The following INTS7 variants were observed in gnomAD, a reference collection of about 807,000 sequenced individuals.
The protein encoded by INTS7 is integrator complex subunit 7.
In INTS7, 46 loss-of-function variants were observed where a neutral mutation model predicts 109.2. The ratio of observed to expected loss-of-function variants is 0.42; its 90% confidence interval spans 0.33 to 0.54. INTS7 has a LOEUF of 0.54. Among genes scored for constraint, INTS7 ranks in the 20% least tolerant of loss-of-function variants. The probability of loss-of-function intolerance (pLI) is 0.07; values close to 1 mark genes in which losing one functional copy is unlikely to be tolerated. For synonymous variants in INTS7, 412 were observed against 402.9 expected, an observed-to-expected ratio of 1.02 and a Z score of -0.27; for missense variants, 929 against 1,132.4, an observed-to-expected ratio of 0.82 and a Z score of 2.58.
In INTS7 at chr1:211,975,233, T is replaced by A; in HGVS notation, c.1748A>T (p.Tyr583Phe). The A allele has an allele frequency of 6.2e-7, 1 of 1,614,030 alleles. No homozygotes were observed. Among genetic ancestry groups the A allele is most frequent in the South Asian group, 1.1e-5 (1 of 91,076 alleles). Residue 583 changes from tyrosine to phenylalanine, a missense_variant, in exon 13 of 20, where the codon TAT becomes TTT. This residue lies in a region of INTS7 where 787 missense variants were observed against 901.1 expected (regional missense o/e 0.87). Coordinates refer to ENST00000366994, the MANE Select transcript of INTS7 (RefSeq NM_015434.4). The stretch of plus-strand genomic sequence containing the variant: ...AGCAATGCAAGAAAGTGCTGAACTA[T>A]AATTTTCCTCTTGCAACCCAGTGAG... ...QCLTGLQEEN[Y>F]SSALSCIAES...
Position 212,007,391 on chromosome 1 carries a change from GTGC to G in INTS7, c.612_614del (p.Met204_His205delinsIle). The G allele has an allele frequency of 6.2e-7, 1 of 1,613,940 alleles. No homozygotes were observed. The highest frequency in any genetic ancestry group is 8.5e-7 in the Non-Finnish European group (1 of 1,179,864). On this transcript the variant is annotated inframe_deletion, in exon 6 of 20. Transcript: ENST00000366994. ...CACTGGAAGCCAAGATTGCATCATG[GTGC>G]ATGTGCTGTAGAATGGGTATCAATT...
rs142261100 is a variant in INTS7 at position 212,020,638 on chromosome 1, G to A, written c.225-370C>T. On this transcript the variant is annotated intron_variant, in intron 2 of 19. Coordinates refer to ENST00000366994, the MANE Select transcript of INTS7 (RefSeq NM_015434.4). Reference sequence around the variant, plus strand: ...TGTGGTATTGTGTGCATATGAGCACGAGTGCATGGAGAATGGCAGAAAGCA... The same window carrying A: ...TGTGGTATTGTGTGCATATGAGCACAAGTGCATGGAGAATGGCAGAAAGCA... The A allele has an allele frequency of 1.4e-4, 71 of 502,670 alleles. 1 individual carries two copies. The Admixed American group carries it at 1.4e-3, about 10-fold the overall frequency. 31.1% of individuals were successfully genotyped at this position (502,670 alleles called of 1,614,324 possible). A position where few individuals can be genotyped will look rare whatever the true frequency, so the allele number is the denominator to read the frequency against.
chr1:211,942,094 C>A lies in INTS7; in HGVS notation c.2619G>T (p.Met873Ile), dbSNP rs761908967. Reference protein sequence around the residue: ...GQDYKIPIDNMTNEMEQRVEP... With the variant: ...GQDYKIPIDNITNEMEQRVEP... ...CAACCCTTTGCTCCATCTCATTGGT[C>A]ATGTTGTCAATGGGTATCTGCAATG... Residue 873 changes from methionine (M) to isoleucine (I), a missense_variant, in exon 20 of 20, where the codon ATG becomes ATT. This residue lies in a region of INTS7 where 787 missense variants were observed against 901.1 expected (regional missense o/e 0.87). Transcript: ENST00000366994. This position sits in a 1 kb window ranked among gnomAD's most constrained non-coding sequence, Gnocchi z 4.2. The A allele has an allele frequency of 1.9e-6, 3 of 1,613,734 alleles. No homozygotes were observed. The highest frequency in any genetic ancestry group is 4.5e-5 in the East Asian group (2 of 44,890).
chr1:211,981,058 A>T, intron 10 of INTS7, 35 bp downstream of exon 10: 1 of 1,291,580 alleles, frequency 7.7e-7, no homozygotes, highest in Non-Finnish European at 1.1e-6. Context: ...ACCATCATAT[A>T]TATCTATTAC....
chr1:212,028,237 C>T (rs1007153946), intron 1 of INTS7, among the ~76,000 whole-genome samples: 7 of 152,210 alleles, frequency 4.6e-5, no homozygotes, highest in Non-Finnish European at 1.0e-4. Context: ...ATTTGGTCCT[C>T]AGAATGCTTT....
At chr1:212,007,073 C>G (rs1281192380) in intron 6 of INTS7, among the ~76,000 whole-genome samples, 177 bp downstream of exon 6, 2 of 151,818 alleles carry the variant, frequency 1.3e-5, no homozygotes, top group Admixed American at 1.3e-4. Context: ...GGGCTCCCAA[C>G]AATCAGTACT....
rs1193951760 is a variant in INTS7, at chr1:212,006,670, G to A, written c.848C>T (p.Thr283Ile). Residue 283 changes from threonine to isoleucine, a missense_variant, in exon 7 of 20, where the codon ACA becomes ATA. By Grantham distance (89) the Thr-to-Ile change is moderately conservative. Transcript: ENST00000366994. ...ATTCTCCCTACTCCAAGTATGTGGT[G>A]TTTTATTAGCAAGTAATTTCAGATC... ...IQDLKLLANK[T>I]PHTWSRENIQ... is the part of the protein sequence containing the mutation. 1 of 1,582,548 alleles carries A rather than the reference G, an allele frequency of 6.3e-7. No homozygotes were observed. Among genetic ancestry groups the A allele is most frequent in the Admixed American group, 1.7e-5 (1 of 59,468 alleles).
At chr1:211,954,219 T>C (rs1365455637) in intron 16 of INTS7, among the ~76,000 whole-genome samples, 1 of 152,242 alleles carries the variant, frequency 6.6e-6, no homozygotes, top group Non-Finnish European at 1.5e-5. Flanking sequence ...TGTCTGTTCA[T>C]GTCCTTCGCT....
intron 13 of INTS7, among the ~76,000 whole-genome samples, chr1:211,974,270 AAAAAAAATATATATAT>A (rs1358755641): frequency 2.0e-4 from 20 of 101,900 alleles, no homozygotes; most frequent in African/African-American, 5.5e-4. Context: ...CTTCCCAGAA[AAAAAAAATATATATAT>A]ATATATATAT....
Position 211,987,978 on chromosome 1 carries a change from G to T in INTS7, c.905C>A (p.Thr302Asn). The change falls in exon 8 of 20, where the codon ACT becomes AAT. Residue 302 changes from threonine to asparagine, a missense_variant. Coordinates refer to ENST00000366994, the MANE Select transcript of INTS7 (RefSeq NM_015434.4). ...IQALCECALQ[T>N]PYDSLKLGML... Reference sequence around the variant, plus strand: ...CCCTAGTTTTAAGCTGTCATAAGGAGTCTGGAGGGCACACTCACAAAGTGC... The same window carrying T: ...CCCTAGTTTTAAGCTGTCATAAGGATTCTGGAGGGCACACTCACAAAGTGC... 1 of 1,607,890 alleles carries T rather than the reference G, an allele frequency of 6.2e-7. No individual in the cohort carries two copies. The highest frequency in any genetic ancestry group is 8.5e-7 in the Non-Finnish European group (1 of 1,175,062).
chr1:212,007,114 A>G lies in INTS7; in HGVS notation c.756+136T>C, dbSNP rs371502101. On this transcript the variant is annotated intron_variant, in intron 6 of 19. Coordinates refer to ENST00000366994, the MANE Select transcript of INTS7 (RefSeq NM_015434.4). ...CAGAGAGAATAAAAAAGCAAGCAAA[A>G]GCAAATTAATCTGACCTTTATTAGA... The G allele has an allele frequency of 7.6e-4, 517 of 682,022 alleles. 10 individuals carry two copies. In the South Asian group the frequency reaches 9.3e-3, roughly 12 times the overall value. The allele number at this position is 682,022 out of a possible 1,614,324, so 42.2% of individuals were successfully genotyped here.
intron 12 of INTS7, among the ~76,000 whole-genome samples, chr1:211,976,380 T>C (rs889872579): frequency 6.6e-6 from 1 of 152,200 alleles, no homozygotes; most frequent in African/African-American, 2.4e-5. Flanking sequence ...ACTTCCTCAT[T>C]ACTAATGCCA....
rs573353697 is a variant in INTS7, at chr1:211,981,112, C to T, written c.1211G>A (p.Gly404Asp). The change falls in exon 10 of 20, where the codon GGT becomes GAT. Residue 404 changes from glycine (G) to aspartate (D), a missense_variant. Gly to Asp is a moderately conservative substitution (Grantham distance 94, BLOSUM62 -1). This residue lies in a region of INTS7 where 787 missense variants were observed against 901.1 expected (regional missense o/e 0.87). Coordinates refer to ENST00000366994, the MANE Select transcript of INTS7 (RefSeq NM_015434.4). ...TTTCACCTTTAAAGTGGCCTGAGCA[C>T]CTGGACTATCATCTTGACTACAAAG... ...LVLCSQDDSPGAQATLKIALN... is the reference protein window; with the variant it reads ...LVLCSQDDSPDAQATLKIALN... 6.2e-6 allele frequency: 10 copies of T among 1,611,876 alleles called. No homozygotes were observed. In the East Asian group the frequency reaches 2.0e-4, roughly 32 times the overall value.
chr1:212,022,887 T>C (rs1215095848), intron 1 of INTS7, among the ~76,000 whole-genome samples: 1 of 152,170 alleles, frequency 6.6e-6, no homozygotes, highest in East Asian at 1.9e-4. Flanking sequence ...TTTTCAACTC[T>C]TCCCCTCTCC....
chr1:211,975,596 A>G (rs1196438487), intron 12 of INTS7, among the ~76,000 whole-genome samples: 2 of 152,214 alleles, frequency 1.3e-5, no homozygotes, highest in Non-Finnish European at 2.9e-5. Flanking sequence ...ATTCTTTACT[A>G]AAACAGTTCC....
At chr1:211,994,090 A>G (rs1345706346) in intron 7 of INTS7, among the ~76,000 whole-genome samples, 2 of 152,206 alleles carry the variant, frequency 1.3e-5, no homozygotes, top group Non-Finnish European at 2.9e-5. Flanking sequence ...AGAAAGTAAC[A>G]AAAGAAGGAA....
At chr1:211,963,923 A>C (rs1235424083) in intron 16 of INTS7, among the ~76,000 whole-genome samples, 3 of 152,204 alleles carry the variant, frequency 2.0e-5, no homozygotes, top group Non-Finnish European at 2.9e-5. Context: ...TTCCCCCTGA[A>C]AACCGGCATA....
intron 11 of INTS7, among the ~76,000 whole-genome samples, chr1:211,977,973 T>TA (rs112390223): frequency 7.3e-5 from 11 of 151,322 alleles, no homozygotes; most frequent in East Asian, 3.9e-4. Flanking sequence ...TCCTTTGCAA[T>TA]AAAAAAAAAC....
In INTS7 at chr1:212,007,398, T is replaced by C; in HGVS notation, c.608A>G (p.His203Arg). Reference protein sequence around the residue: ...LKLKLIPILQHMHHDAILASS... With the variant: ...LKLKLIPILQRMHHDAILASS... ...AGCCAAGATTGCATCATGGTGCATG[T>C]GCTGTAGAATGGGTATCAATTTTAG... is the stretch of plus-strand genomic sequence containing the variant. The change falls in exon 6 of 20, where the codon CAC (histidine) becomes CGC (arginine). Residue 203 changes from histidine to arginine, a missense_variant. Physicochemically the swap from His to Arg is conservative, Grantham distance 29 (BLOSUM62 0). Transcript: ENST00000366994. The C allele has an allele frequency of 6.2e-7, 1 of 1,614,022 alleles. No individual in the cohort carries two copies. Among genetic ancestry groups the C allele is most frequent in the Non-Finnish European group, 8.5e-7 (1 of 1,179,910 alleles).
Sources: gnomAD v4.1 joint callset for allele counts (sites outside exome capture counted in the v4.1 genomes callset) on GRCh38, gnomAD v4.1.1 for gene constraint, gnomAD v4.1.1 regional missense constraint, Gnocchi (gnomAD v3.1) non-coding constraint, MANE v1.5 for transcripts, NCBI Gene and HGNC (gene_info 2026-07-23, HGNC 2026-07-21) for gene names.